Variants in COL4A6 observed in about 807,000 individuals in gnomAD.
COL4A6 encodes the protein collagen type IV alpha 6 chain.
A neutral mutation model predicts 126.7 loss-of-function variants in COL4A6; 59 were observed. The ratio of observed to expected loss-of-function variants is 0.47; its 90% CI spans 0.38 to 0.58. COL4A6 has a LOEUF of 0.58. Ranked by LOEUF, COL4A6 falls within the 20% of genes least tolerant of loss-of-function variation. The pLI is 0.00. For synonymous variants in COL4A6, 547 were observed against 496.6 expected, an observed-to-expected ratio of 1.10 and a Z score of -1.35; for missense variants, 1,285 against 1,337.3, an observed-to-expected ratio of 0.96 and a Z score of 0.61.
chrX:108,211,845 T>C, intron 6 of COL4A6, 105 bp from the exon 7 acceptor site: 1 of 814,772 alleles, frequency 1.2e-6, no homozygotes, highest in South Asian at 2.5e-5. Context: ...CCTGAAACCA[T>C]GTGGCTTTTT....
At chrX:108,331,299 C>A (rs1457825355) in intron 2 of COL4A6, among the ~76,000 whole-genome samples, 2 of 111,614 alleles carry the variant, frequency 1.8e-5, no homozygotes, top group South Asian at 7.5e-4. Context: ...AGGAAACATT[C>A]TGAGAAATAC....
intron 2 of COL4A6, among the ~76,000 whole-genome samples, chrX:108,345,340 A>G (rs1473712862): frequency 8.9e-6 from 1 of 111,864 alleles, no homozygotes; most frequent in Non-Finnish European, 1.9e-5. Context: ...AGCTGAAATA[A>G]TTTCAGTTTA....
intron 26 of COL4A6, 108 bp downstream of exon 26, chrX:108,179,109 C>A: frequency 1.3e-6 from 1 of 795,877 alleles, no homozygotes; most frequent in Non-Finnish European, 1.8e-6. Flanking sequence ...TTCATTTTAA[C>A]CCCTTAATTA....
rs1203864433 is a variant in COL4A6 at position 108,179,272 on chromosome X, T to G, written c.2298A>C (p.Gln766His). Residue 766 changes from glutamine to histidine, a missense_variant, in exon 26 of 45, where the codon CAA (glutamine) becomes CAC (histidine). Coordinates refer to ENST00000334504, the MANE Select transcript of COL4A6 (RefSeq NM_033641.4). ...GAAATCCTTTGTGCCCTGTTAATCC[T>G]TGTAGGCCTTGTTCCCCCGGAGCAC... ...ENGAPGEQGLQGLTGHKGFLG... is the reference protein window; with the variant it reads ...ENGAPGEQGLHGLTGHKGFLG... 1 of 1,211,388 alleles carries G rather than the reference T, an allele frequency of 8.3e-7. No homozygotes were observed. Among genetic ancestry groups the G allele is most frequent in the Admixed American group, 2.2e-5 (1 of 46,013 alleles).
intron 2 of COL4A6, among the ~76,000 whole-genome samples, chrX:108,388,420 G>A (rs2040751895): frequency 9.0e-6 from 1 of 111,649 alleles, no homozygotes; most frequent in Non-Finnish European, 1.9e-5. Context: ...TCAGGGATTT[G>A]ACTTCTTCCT....
chrX:108,194,060 C>CA (rs1311731142), intron 16 of COL4A6, among the ~76,000 whole-genome samples: 2 of 112,467 alleles, frequency 1.8e-5, no homozygotes, highest in Non-Finnish European at 3.8e-5. Context: ...CCTCTACTAC[C>CA]ATCACAACCC....
intron 23 of COL4A6, among the ~76,000 whole-genome samples, chrX:108,185,838 G>A (rs773854527): frequency 2.0e-4 from 22 of 112,071 alleles, no homozygotes; most frequent in Non-Finnish European, 4.1e-4. Context: ...GACATACTGT[G>A]GAGGTCAAGG....
intron 8 of COL4A6, 80 bp downstream of exon 8, chrX:108,209,889 A>C: frequency 1.9e-6 from 2 of 1,077,061 alleles, no homozygotes; most frequent in Admixed American, 4.7e-5. Flanking sequence ...AGACCTTAGA[A>C]CATCATAGAG....
chrX:108,329,468 T>A lies in COL4A6; in HGVS notation c.64-18640A>T, dbSNP rs546607275. On this transcript the variant is annotated intron_variant, in intron 2 of 44. Transcript: ENST00000334504. ...AAATGTAAGGAAGCAAATCCATTTA[T>A]GAAACAATGGGGAAATATGAACATT... Among the ~76,000 whole-genome samples, 70 of 112,231 alleles carry A rather than the reference T, an allele frequency of 6.2e-4. No homozygotes were observed. The South Asian group carries it at 0.025, about 40-fold the overall frequency.
intron 3 of COL4A6, among the ~76,000 whole-genome samples, chrX:108,236,456 AGCTTGCAGTGAGCACTGCCAGGTAGCT>A (rs1488652519): frequency 1.8e-5 from 2 of 111,889 alleles, no homozygotes; most frequent in Admixed American, 9.4e-5. Context: ...CAGCAAGGCT[AGCTTGCAGTGAGCACTGCCAGGTAGCT>A]GCTCCAGGGA....
At chrX:108,317,942 T>C (rs1478373155) in intron 2 of COL4A6, among the ~76,000 whole-genome samples, 1 of 111,463 alleles carries the variant, frequency 9.0e-6, no homozygotes, top group Non-Finnish European at 1.9e-5. Flanking sequence ...AACTTTAAAG[T>C]AGTTTTTTCC....
chrX:108,356,540 A>C (rs189430721), intron 2 of COL4A6, among the ~76,000 whole-genome samples: 339 of 110,836 alleles, frequency 3.1e-3, no homozygotes, highest in African/African-American at 0.011. Flanking sequence ...TGAAAAACTC[A>C]CTTCATATTG....
intron 2 of COL4A6, among the ~76,000 whole-genome samples, chrX:108,420,875 T>C (rs944856274): frequency 9.8e-5 from 11 of 111,958 alleles, no homozygotes; most frequent in Non-Finnish European, 2.1e-4. Flanking sequence ...GTCTATTTAG[T>C]AGCAGAATGA....
intron 2 of COL4A6, among the ~76,000 whole-genome samples, chrX:108,318,672 G>A (rs1037603253): frequency 8.0e-5 from 9 of 112,212 alleles, no homozygotes; most frequent in African/African-American, 9.7e-5. Context: ...TACAAGGGAC[G>A]TGAAGGACCT....
rs754911489 is a variant in COL4A6 at position 108,187,740 on chromosome X, C to T, written c.1767+108G>A. ...TCAGTGGCAGAGGCAGGGCAAGGTC[C>T]TCTAGACTCTGTTCTTCCCTGTTTC... On this transcript the variant is annotated intron_variant, in intron 22 of 44. Transcript: ENST00000334504. 31 of 814,335 alleles carry T rather than the reference C, an allele frequency of 3.8e-5. No homozygotes were observed. The Admixed American group carries it at 9.5e-4, about 25-fold the overall frequency. 67.1% of individuals were successfully genotyped at this position (814,335 alleles called of 1,213,427 possible). A position where few individuals can be genotyped will look rare whatever the true frequency, so the allele number is the denominator to read the frequency against.
intron 2 of COL4A6, among the ~76,000 whole-genome samples, chrX:108,314,728 G>A (rs1457736034): frequency 1.8e-5 from 2 of 111,854 alleles, no homozygotes; most frequent in Non-Finnish European, 3.8e-5. Flanking sequence ...TAATATTTCC[G>A]AGTTGGATGA....
intron 2 of COL4A6, among the ~76,000 whole-genome samples, chrX:108,343,161 ATATAGTGTGT>A (rs1282001923): frequency 4.5e-3 from 250 of 55,563 alleles, no homozygotes; most frequent in Middle Eastern, 0.011. Context: ...ATATATATAT[ATATAGTGTGT>A]GTGTGTGTGT....
At chrX:108,414,294 C>T (rs1280261079) in intron 2 of COL4A6, among the ~76,000 whole-genome samples, 2 of 111,640 alleles carry the variant, frequency 1.8e-5, no homozygotes, top group Non-Finnish European at 3.8e-5. Context: ...GTGTATTCTA[C>T]ATAAGTGTTG....
At chrX:108,160,794 G>T (rs1298776680) in intron 42 of COL4A6, 140 bp from the exon 43 acceptor site, 21 of 522,571 alleles carry the variant, frequency 4.0e-5, no homozygotes, top group Non-Finnish European at 5.9e-5. Flanking sequence ...CTGGAAAATG[G>T]TATTACCACC....
Sources: gnomAD v4.1 joint callset for allele counts (sites outside exome capture counted in the v4.1 genomes callset) on GRCh38, gnomAD v4.1.1 for gene constraint, MANE v1.5 for transcripts, NCBI Gene and HGNC (gene_info 2026-07-23, HGNC 2026-07-21) for gene names.